The following CTNND2 variants were observed in gnomAD, a reference collection of about 807,000 sequenced individuals.
CTNND2 encodes catenin delta 2, also known as catenin delta-2.
CTNND2 carries 22 observed loss-of-function variants against 144.4 expected under a neutral mutation model. The observed-to-expected ratio is 0.15, with a 90% CI of 0.11 to 0.22. The LOEUF (loss-of-function observed/expected upper bound fraction) is 0.22. CTNND2 is among the 10% of genes least tolerant of loss of function. CTNND2 has a pLI of 1.00. For missense variants in CTNND2, 1,353 were observed against 1,618.8 expected, an observed-to-expected ratio of 0.84 and a Z score of 2.82; for synonymous variants, 751 against 695.6, an observed-to-expected ratio of 1.08 and a Z score of -1.25.
At chr5:11,855,024 A>T (rs1162039105) in intron 1 of CTNND2, among the ~76,000 whole-genome samples, 1 of 152,226 alleles carries the variant, frequency 6.6e-6, no homozygotes, top group East Asian at 1.9e-4. Context: ...TATAATGTGC[A>T]GCTGCACTCA....
At position 11,509,852 on chromosome 5, in the gene CTNND2, C is replaced by T. The variant is rs552996908; in HGVS notation, c.287+55092G>A. 8.5e-5 allele frequency among the ~76,000 whole-genome samples: 13 copies of T among 152,284 alleles called. No individual in the cohort carries two copies. In the South Asian group the frequency reaches 2.3e-3, roughly 27 times the overall value. Reference sequence around the variant, plus strand: ...TTTTCTACAGAGAGTTTCCCCTCCCCACAAAGGCAGAAATGCTTACTGTAA... The same window carrying T: ...TTTTCTACAGAGAGTTTCCCCTCCCTACAAAGGCAGAAATGCTTACTGTAA... On this transcript the variant is annotated intron_variant, in intron 3 of 21. Coordinates refer to ENST00000304623, the MANE Select transcript of CTNND2 (RefSeq NM_001332.4).
intron 16 of CTNND2, among the ~76,000 whole-genome samples, chr5:11,057,170 A>G (rs539266521): frequency 2.0e-4 from 30 of 152,344 alleles, no homozygotes; most frequent in African/African-American, 7.2e-4. Context: ...AAAACCAGAA[A>G]ATGGTTTCAT....
intron 1 of CTNND2, among the ~76,000 whole-genome samples, chr5:11,808,521 T>C (rs956407839): frequency 3.9e-5 from 6 of 152,240 alleles, no homozygotes; most frequent in African/African-American, 1.4e-4. Context: ...AGCAGTTTCA[T>C]GCCAACTGCT....
intron 3 of CTNND2, among the ~76,000 whole-genome samples, chr5:11,444,457 G>A (rs1414715135): frequency 6.6e-6 from 1 of 152,162 alleles, no homozygotes; most frequent in Non-Finnish European, 1.5e-5. Flanking sequence ...CTTAGGCACT[G>A]GTGGCTGTTA....
chr5:11,139,341 T>C (rs1756472552), intron 12 of CTNND2, among the ~76,000 whole-genome samples: 1 of 152,226 alleles, frequency 6.6e-6, no homozygotes, highest in African/African-American at 2.4e-5. Context: ...CCCAGCATAC[T>C]GCGTGTTAGA....
At chr5:11,755,645 T>TTTG (rs1199870407) in intron 1 of CTNND2, among the ~76,000 whole-genome samples, 1 of 150,756 alleles carries the variant, frequency 6.6e-6, no homozygotes, top group East Asian at 1.9e-4. Context: ...ATTCTTCTTT[T>TTTG]TTTTTTTTGT....
At chr5:11,228,303 C>T (rs1740583979) in intron 10 of CTNND2, among the ~76,000 whole-genome samples, 1 of 145,820 alleles carries the variant, frequency 6.9e-6, no homozygotes, top group African/African-American at 2.5e-5. Context: ...CAATATCGTG[C>T]CACTGCACTC....
At chr5:11,271,640 A>T (rs921997489) in intron 9 of CTNND2, among the ~76,000 whole-genome samples, 1 of 152,182 alleles carries the variant, frequency 6.6e-6, no homozygotes, top group Non-Finnish European at 1.5e-5. Context: ...GACATACTTC[A>T]TATTCAGATA....
chr5:11,452,610 T>C (rs1765396935), intron 3 of CTNND2, among the ~76,000 whole-genome samples: 1 of 152,200 alleles, frequency 6.6e-6, no homozygotes, highest in African/African-American at 2.4e-5. Flanking sequence ...AAAATACAGA[T>C]AGATGCTGAG....
intron 2 of CTNND2, among the ~76,000 whole-genome samples, chr5:11,659,784 G>T (rs1178759607): frequency 1.3e-5 from 2 of 152,098 alleles, no homozygotes; most frequent in African/African-American, 4.8e-5. Flanking sequence ...CAAAGCCTGA[G>T]AACAGTTGCT....
intron 3 of CTNND2, among the ~76,000 whole-genome samples, chr5:11,425,949 C>T: frequency 6.6e-6 from 1 of 152,166 alleles, no homozygotes; most frequent in South Asian, 2.1e-4. Flanking sequence ...GTTCCTCCAC[C>T]TCCATCAGCC....
At chr5:11,664,281 G>C (rs1783434618) in intron 2 of CTNND2, among the ~76,000 whole-genome samples, 1 of 152,166 alleles carries the variant, frequency 6.6e-6, no homozygotes, top group Admixed American at 6.6e-5. Flanking sequence ...AGGGCTGACT[G>C]TATTAAGACG....
At chr5:11,129,279 T>A (rs192822238) in intron 12 of CTNND2, among the ~76,000 whole-genome samples, 10 of 46,338 alleles carry the variant, frequency 2.2e-4, no homozygotes, top group African/African-American at 8.3e-4. Context: ...AAATATATAT[T>A]ATATAAAAAT....
intron 6 of CTNND2, among the ~76,000 whole-genome samples, chr5:11,386,897 G>A (rs189384108): frequency 5.3e-5 from 8 of 152,262 alleles, no homozygotes; most frequent in African/African-American, 1.9e-4. Flanking sequence ...TGCTTACTCT[G>A]AGCCCCAGAG....
chr5:11,211,319 G>C (rs1738606257), intron 10 of CTNND2, among the ~76,000 whole-genome samples: 1 of 150,136 alleles, frequency 6.7e-6, no homozygotes, highest in Non-Finnish European at 1.5e-5. Context: ...GGTTTACTCT[G>C]AGGAAGACAG....
intron 1 of CTNND2, among the ~76,000 whole-genome samples, chr5:11,773,285 C>T (rs1790052511): frequency 6.6e-6 from 1 of 152,060 alleles, no homozygotes; most frequent in African/African-American, 2.4e-5. Context: ...TGCTTTGTGC[C>T]GTACAGGTAT....
intron 1 of CTNND2, among the ~76,000 whole-genome samples, chr5:11,818,368 T>C (rs1301615024): frequency 6.6e-6 from 1 of 151,912 alleles, no homozygotes; most frequent in Non-Finnish European, 1.5e-5. Context: ...CTCCTGTATA[T>C]GCGTTTTTTC....
At chr5:11,049,681 G>T (rs1432888834) in intron 16 of CTNND2, among the ~76,000 whole-genome samples, 1 of 152,194 alleles carries the variant, frequency 6.6e-6, no homozygotes, top group African/African-American at 2.4e-5. Context: ...TTCTGGAAAT[G>T]CTATCCATTA....
At chr5:11,718,053 C>T (rs1786455203) in intron 2 of CTNND2, among the ~76,000 whole-genome samples, 1 of 152,172 alleles carries the variant, frequency 6.6e-6, no homozygotes, top group South Asian at 2.1e-4. Context: ...ACATTCAATT[C>T]AATCTCAGTG....
Sources: gnomAD v4.1 joint callset for allele counts (sites outside exome capture counted in the v4.1 genomes callset) on GRCh38, gnomAD v4.1.1 for gene constraint, MANE v1.5 for transcripts, NCBI Gene and HGNC (gene_info 2026-07-23, HGNC 2026-07-21) for gene names.